Variants in DHDDS observed in about 807,000 individuals in gnomAD.
The protein encoded by DHDDS is dehydrodolichyl diphosphate synthase subunit.
Under a neutral mutation model 46.2 loss-of-function variants are expected in DHDDS, and 16 were observed. The observed-to-expected ratio is 0.35, with a 90% CI of 0.23 to 0.53. DHDDS has a LOEUF of 0.53. Ranked by LOEUF, DHDDS falls within the 20% of genes least tolerant of loss-of-function variation. The pLI is 0.94. For synonymous variants in DHDDS, 151 were observed against 163.1 expected (o/e 0.93, Z 0.56); for missense variants, 340 against 423.7 (o/e 0.80, Z 1.73).
intron 2 of DHDDS, among the ~76,000 whole-genome samples, chr1:26,437,625 G>A (rs1488560896): frequency 6.6e-6 from 1 of 151,866 alleles, no homozygotes; most frequent in Non-Finnish European, 1.5e-5. Flanking sequence ...ACAGGCATGT[G>A]CCATCATACC....
At position 26,469,002 on chromosome 1, in the gene DHDDS, C is replaced by T. The variant is rs759006198; in HGVS notation, c.873C>T (p.Asp291=). The T allele has an allele frequency of 1.1e-5, 18 of 1,614,018 alleles. No homozygotes were observed. Among genetic ancestry groups the T allele is most frequent in the Admixed American group, 8.3e-5 (5 of 60,010 alleles). ...LLREGLQASG[D]AQLRRTRLHK... ...GAGAGGGGCTCCAAGCCAGTGGGGA[C>T]GCCCAGCTCCGAAGGACACGCTTGC... Residue 291 remains aspartate (D), a synonymous_variant, in exon 9 of 9, where the codon GAC becomes GAT. Transcript: ENST00000236342.
chr1:26,435,385 C>T (rs1349050881), intron 2 of DHDDS, among the ~76,000 whole-genome samples: 1 of 151,572 alleles, frequency 6.6e-6, no homozygotes, highest in African/African-American at 2.4e-5. Flanking sequence ...TGTTGTGCCC[C>T]AGTTCCTGTG....
At chr1:26,459,530 T>C (rs2075402621) in intron 7 of DHDDS, among the ~76,000 whole-genome samples, 1 of 152,226 alleles carries the variant, frequency 6.6e-6, no homozygotes. Flanking sequence ...CAGGTGAAAT[T>C]ACCCCTGCTC....
chr1:26,454,144 A>G (rs539041377), intron 6 of DHDDS, among the ~76,000 whole-genome samples: 15 of 152,164 alleles, frequency 9.9e-5, no homozygotes, highest in African/African-American at 3.6e-4. Flanking sequence ...TAGTAGAGAC[A>G]GGGTTTCATC....
At chr1:26,454,204 C>G (rs1433665722) in intron 6 of DHDDS, among the ~76,000 whole-genome samples, 1 of 152,158 alleles carries the variant, frequency 6.6e-6, no homozygotes, top group Non-Finnish European at 1.5e-5. Flanking sequence ...CTGCCCGCCT[C>G]GGCCTCCCAA....
At position 26,470,819 on chromosome 1, in the gene DHDDS, T is replaced by C. The variant is rs2075547999; in HGVS notation, c.*1688T>C. The C allele has an allele frequency of 6.5e-6, 1 of 152,716 alleles. No individual in the cohort carries two copies. The highest frequency in any genetic ancestry group is 6.5e-5 in the Admixed American group (1 of 15,288). 9.5% of individuals were successfully genotyped at this position (152,716 alleles called of 1,614,324 possible). ...GCCATAATTAGGGAGGCATGAATTA[T>C]GCGGCTATAATGCAGAGCCCTACAA... On this transcript the variant is annotated 3_prime_UTR_variant, in exon 9 of 9. Coordinates refer to ENST00000236342, the MANE Select transcript of DHDDS (RefSeq NM_205861.3).
At chr1:26,432,649 C>T in intron 1 of DHDDS, 1 of 457,306 alleles carries the variant, frequency 2.2e-6, no homozygotes, top group Non-Finnish European at 4.0e-6. Context: ...GAAGTCAGTG[C>T]AGATACGGAG....
intron 2 of DHDDS, among the ~76,000 whole-genome samples, chr1:26,437,169 CA>C (rs1346408892): frequency 2.8e-5 from 4 of 145,154 alleles, no homozygotes; most frequent in African/African-American, 5.1e-5. Context: ...GACTCCTTCT[CA>C]AAAAAAAAAC....
In DHDDS at chr1:26,469,157, C is replaced by T. The variant is rs755033236; in HGVS notation, c.*26C>T. On this transcript the variant is annotated 3_prime_UTR_variant, in exon 9 of 9. Transcript: ENST00000236342. ...ATGAGGCTGGCCACCTGCCACTTTG[C>T]CCTGCCCTCTGCCTCCAGGGCTCCA... 3.1e-6 allele frequency: 5 copies of T among 1,611,536 alleles called. No individual in the cohort carries two copies. In the South Asian group the frequency reaches 5.5e-5, roughly 18 times the overall value.
Position 26,442,857 on chromosome 1 carries a change from C to T in DHDDS, c.307C>T (p.Arg103Cys), listed in dbSNP as rs762393542. 19 of 1,613,930 alleles carry T rather than the reference C, an allele frequency of 1.2e-5. No individual in the cohort carries two copies. The highest frequency in any genetic ancestry group is 4.0e-5 in the African/African-American group (3 of 74,876). The stretch of plus-strand genomic sequence containing the variant: ...GGATCTGGCCCGGCAGAAGTTCAGC[C>T]GCTTGATGGAAGAAAAGTAAGATGC... Reference protein sequence around the residue: ...LMDLARQKFSRLMEEKEKLQK... With the variant: ...LMDLARQKFSCLMEEKEKLQK... The change falls in exon 4 of 9, where the codon CGC (arginine) becomes TGC (cysteine). Residue 103 changes from arginine to cysteine, a missense_variant. This residue lies in a region of DHDDS where 268 missense variants were observed against 300.3 expected (regional missense o/e 0.89). Coordinates refer to ENST00000236342, the MANE Select transcript of DHDDS (RefSeq NM_205861.3).
At chr1:26,454,930 C>T (rs1279727518) in intron 6 of DHDDS, 21 of 1,602,172 alleles carry the variant, frequency 1.3e-5, no homozygotes, top group South Asian at 2.2e-5. Context: ...ATTCAGCACT[C>T]TTTTTGGGCC....
At chr1:26,454,114 C>T (rs921167705) in intron 6 of DHDDS, among the ~76,000 whole-genome samples, 10 of 152,026 alleles carry the variant, frequency 6.6e-5, no homozygotes, top group East Asian at 5.8e-4. Flanking sequence ...CCACCACGCC[C>T]GGCTAATTTT....
chr1:26,439,500 T>G (rs1016747827), intron 3 of DHDDS, among the ~76,000 whole-genome samples: 14 of 152,032 alleles, frequency 9.2e-5, no homozygotes, highest in Middle Eastern at 3.2e-3. Context: ...AAGGATGACT[T>G]GAACCCTGGA....
intron 6 of DHDDS, among the ~76,000 whole-genome samples, chr1:26,452,027 G>A (rs971033581): frequency 6.6e-6 from 1 of 150,914 alleles, no homozygotes; most frequent in African/African-American, 2.4e-5. Flanking sequence ...GATTATAGGT[G>A]TGAGCCATAG....
At position 26,469,581 on chromosome 1, in the gene DHDDS, T is replaced by G; in HGVS notation, c.*450T>G. The G allele has an allele frequency of 4.2e-6, 1 of 237,756 alleles. No individual in the cohort carries two copies. The highest frequency in any genetic ancestry group is 8.6e-6 in the Non-Finnish European group (1 of 116,690). The allele number at this position is 237,756 out of a possible 1,614,324, so 14.7% of individuals were successfully genotyped here. ...CTTGGATCTGCTAGTAAATAACTAATAGGCAGGCAGTTATTTGGGTAAGGA... is the reference window on the plus strand; with the variant it reads ...CTTGGATCTGCTAGTAAATAACTAAGAGGCAGGCAGTTATTTGGGTAAGGA... On this transcript the variant is annotated 3_prime_UTR_variant, in exon 9 of 9. Coordinates refer to ENST00000236342, the MANE Select transcript of DHDDS (RefSeq NM_205861.3).
chr1:26,444,886 A>G (rs1044396536), intron 4 of DHDDS, among the ~76,000 whole-genome samples: 2 of 152,250 alleles, frequency 1.3e-5, no homozygotes, highest in African/African-American at 2.4e-5. Flanking sequence ...GTCTTCTAGT[A>G]TACTGCCTTC....
rs919843886 is a variant in DHDDS, at chr1:26,469,021, C to T, written c.892C>T (p.Arg298Cys). The change falls in exon 9 of 9, where the codon CGC (arginine) becomes TGC (cysteine). Residue 298 changes from arginine (R) to cysteine (C), a missense_variant. Around this residue, in one of 2 missense-constraint regions of DHDDS, gnomAD observed 268 missense variants for 300.3 expected, o/e 0.89. Transcript: ENST00000236342. Reference protein sequence around the residue: ...ASGDAQLRRTRLHKLSARREE... With the variant: ...ASGDAQLRRTCLHKLSARREE... The stretch of plus-strand genomic sequence containing the variant: ...TGGGGACGCCCAGCTCCGAAGGACA[C>T]GCTTGCACAAACTCTCGGCCAGACG... 5.0e-6 allele frequency: 8 copies of T among 1,614,060 alleles called. No homozygotes were observed. In the African/African-American group the frequency reaches 8.0e-5, roughly 16 times the overall value.
chr1:26,467,214 C>A, intron 8 of DHDDS: 1 of 420,026 alleles, frequency 2.4e-6, no homozygotes, highest in Non-Finnish European at 5.1e-6. Context: ...CATGGCTGTA[C>A]AATCAGCCTG....
At chr1:26,437,375 G>T (rs912722554) in intron 2 of DHDDS, among the ~76,000 whole-genome samples, 1 of 152,116 alleles carries the variant, frequency 6.6e-6, no homozygotes, top group African/African-American at 2.4e-5. Flanking sequence ...AGCTATGGTG[G>T]CTCATGCCTT....
Sources: gnomAD v4.1 joint callset for allele counts (sites outside exome capture counted in the v4.1 genomes callset) on GRCh38, gnomAD v4.1.1 for gene constraint, gnomAD v4.1.1 regional missense constraint, MANE v1.5 for transcripts, NCBI Gene and HGNC (gene_info 2026-07-23, HGNC 2026-07-21) for gene names.